Variants in ASXL3 observed in about 807,000 individuals in gnomAD.
The protein encoded by ASXL3 is putative Polycomb group protein ASXL3.
ASXL3 carries 34 observed loss-of-function variants against 170.6 expected under a neutral mutation model. The ratio of observed to expected loss-of-function variants is 0.20; its 90% CI spans 0.15 to 0.27. ASXL3 has a LOEUF of 0.27. ASXL3 is among the 10% of genes least tolerant of loss of function. ASXL3 has a pLI of 1.00. For missense variants in ASXL3, 2,592 were observed against 2,695.3 expected, an observed-to-expected ratio of 0.96 and a Z score of 0.85; for synonymous variants, 1,002 against 989.1, an observed-to-expected ratio of 1.01 and a Z score of -0.24.
chr18:33,676,289 CCTGAGAAATAT>C (rs2066429847), intron 7 of ASXL3, among the ~76,000 whole-genome samples: 1 of 148,128 alleles, frequency 6.8e-6, no homozygotes, highest in South Asian at 2.2e-4. Context: ...TCGACGTTCT[CCTGAGAAATAT>C]ACCACCCAGC....
intron 2 of ASXL3, among the ~76,000 whole-genome samples, chr18:33,611,969 T>G (rs959738879): frequency 1.2e-4 from 18 of 152,132 alleles, no homozygotes; most frequent in African/African-American, 4.3e-4. Flanking sequence ...TATAGTAACA[T>G]ATCCAGGGGC....
At chr18:33,697,806 C>G (rs1440693465) in intron 8 of ASXL3, among the ~76,000 whole-genome samples, 2 of 151,132 alleles carry the variant, frequency 1.3e-5, no homozygotes, top group Non-Finnish European at 2.9e-5. Context: ...TAGTTTGAGA[C>G]CAGCCTGGGC....
chr18:33,587,110 C>A (rs2065040743), intron 1 of ASXL3, among the ~76,000 whole-genome samples: 1 of 152,162 alleles, frequency 6.6e-6, no homozygotes, highest in Non-Finnish European at 1.5e-5. Flanking sequence ...TTTACTGAAT[C>A]ATTCCTGTTT....
intron 2 of ASXL3, 55 bp from the exon 3 acceptor site, chr18:33,644,839 T>C: frequency 8.9e-7 from 1 of 1,121,696 alleles, no homozygotes; most frequent in Non-Finnish European, 1.2e-6. Flanking sequence ...AGAACAGTTT[T>C]GCAATAGAAG....
chr18:33,646,499 T>C (rs1289952671), intron 4 of ASXL3, 146 bp downstream of exon 4: 1 of 581,360 alleles, frequency 1.7e-6, no homozygotes, highest in Admixed American at 3.5e-5. Flanking sequence ...CAAGGTGTTT[T>C]GATTCAAAAA....
intron 2 of ASXL3, among the ~76,000 whole-genome samples, chr18:33,619,446 GAA>G (rs56663499): frequency 0.45 from 63,084 of 139,592 alleles, 13,792 homozygotes; most frequent in Non-Finnish European, 0.51. Context: ...TTTGAAGACT[GAA>G]AAAAAAAAAA....
chr18:33,661,585 T>G (rs372934861), intron 4 of ASXL3, 31 bp from the exon 5 acceptor site: 5 of 1,577,166 alleles, frequency 3.2e-6, no homozygotes, highest in Admixed American at 3.7e-5. Context: ...GAATTCAAAT[T>G]AGTAATATCA....
chr18:33,622,962 G>A (rs777246146), intron 2 of ASXL3, among the ~76,000 whole-genome samples: 12 of 151,982 alleles, frequency 7.9e-5, no homozygotes, highest in Non-Finnish European at 1.6e-4. Context: ...TCCCATGTGT[G>A]GGCTTGATTT....
chr18:33,719,231 G>A (rs2067218793), intron 8 of ASXL3, among the ~76,000 whole-genome samples: 1 of 151,978 alleles, frequency 6.6e-6, no homozygotes, highest in Non-Finnish European at 1.5e-5. Context: ...TTTCGGAGCT[G>A]TGGTTGCTTT....
intron 2 of ASXL3, among the ~76,000 whole-genome samples, chr18:33,639,199 T>G (rs181528060): frequency 4.5e-4 from 69 of 152,288 alleles, no homozygotes; most frequent in African/African-American, 1.3e-3. Context: ...GTGCTTTATA[T>G]GTTTTAATGC....
chr18:33,581,472 A>AGTGTGT (rs150752638), intron 1 of ASXL3, among the ~76,000 whole-genome samples: 7,073 of 145,252 alleles, frequency 0.049, 549 homozygotes, highest in African/African-American at 0.17. Context: ...TGCTGGAGTG[A>AGTGTGT]GTGTGTGTGT....
At position 33,745,234 on chromosome 18, in the gene ASXL3, G is replaced by A. The variant is rs755015351; in HGVS notation, c.5386G>A (p.Val1796Ile). 31 of 1,613,860 alleles carry A rather than the reference G, an allele frequency of 1.9e-5. No homozygotes were observed. The highest frequency in any genetic ancestry group is 3.3e-4 in the Middle Eastern group (2 of 6,084). Residue 1796 changes from valine to isoleucine, a missense_variant, in exon 12 of 12, where the codon GTT (valine) becomes ATT (isoleucine). By Grantham distance (29) the Val-to-Ile change is conservative. Around this residue, in one of 4 missense-constraint regions of ASXL3, gnomAD observed 2,246 missense variants for 2,219.6 expected, o/e 1.01. Transcript: ENST00000269197. ...GGGTAAAACAGCACCAGAGAGAAAC[G>A]TTGAAATTCCGCCCAGCTCTCCAAA... ...SVGKTAPERN[V>I]EIPPSSPNPD...
chr18:33,636,595 G>GA (rs2065769953), intron 2 of ASXL3, among the ~76,000 whole-genome samples: 1 of 152,130 alleles, frequency 6.6e-6, no homozygotes, highest in Non-Finnish European at 1.5e-5. Flanking sequence ...GGTGAACGTA[G>GA]TTGGGGCTTT....
chr18:33,685,450 T>C (rs1224542559), intron 8 of ASXL3, among the ~76,000 whole-genome samples: 2 of 152,158 alleles, frequency 1.3e-5, no homozygotes, highest in Non-Finnish European at 2.9e-5. Context: ...TAGAAACGTT[T>C]AGGGGAAAGA....
intron 7 of ASXL3, among the ~76,000 whole-genome samples, chr18:33,673,674 G>A (rs8098239): frequency 0.066 from 10,035 of 152,112 alleles, 353 homozygotes; most frequent in South Asian, 0.098. Flanking sequence ...AGGATTTCTT[G>A]TATTCTGATT....
At chr18:33,717,792 A>G (rs1220981666) in intron 8 of ASXL3, among the ~76,000 whole-genome samples, 1 of 152,106 alleles carries the variant, frequency 6.6e-6, no homozygotes, top group African/African-American at 2.4e-5. Flanking sequence ...GAACCAGGAT[A>G]TACAGAAATT....
intron 1 of ASXL3, among the ~76,000 whole-genome samples, chr18:33,581,376 C>G (rs2145086472): frequency 6.6e-6 from 1 of 151,758 alleles, no homozygotes; most frequent in East Asian, 1.9e-4. Context: ...GTGGTTTTTG[C>G]AATAAATGAA....
intron 5 of ASXL3, among the ~76,000 whole-genome samples, chr18:33,668,759 G>T (rs188462041): frequency 6.6e-6 from 1 of 152,108 alleles, no homozygotes; most frequent in African/African-American, 2.4e-5. Context: ...AGAAATTGAG[G>T]TCAAAATTTT....
chr18:33,742,879 T>C lies in ASXL3; in HGVS notation c.3040-9T>C. The C allele has an allele frequency of 6.3e-7, 1 of 1,579,082 alleles. No homozygotes were observed. Among genetic ancestry groups the C allele is most frequent in the Non-Finnish European group, 8.6e-7 (1 of 1,165,194 alleles). ...GCACATTATATTTTTTTTTCTGTCCTCCTTTTAGATTCAGCTTTCCAAAAT... is the reference window on the plus strand; with the variant it reads ...GCACATTATATTTTTTTTTCTGTCCCCCTTTTAGATTCAGCTTTCCAAAAT... On this transcript the variant is annotated splice_polypyrimidine_tract_variant and intron_variant, in intron 11 of 11. Coordinates refer to ENST00000269197, the MANE Select transcript of ASXL3 (RefSeq NM_030632.3).
Sources: gnomAD v4.1 joint callset for allele counts (sites outside exome capture counted in the v4.1 genomes callset) on GRCh38, gnomAD v4.1.1 for gene constraint, gnomAD v4.1.1 regional missense constraint, MANE v1.5 for transcripts, NCBI Gene and HGNC (gene_info 2026-07-23, HGNC 2026-07-21) for gene names.